Variants in SYT1 observed in about 807,000 individuals in gnomAD.
SYT1 encodes the protein synaptotagmin-1.
SYT1 carries 8 observed loss-of-function variants against 44.8 expected under a neutral mutation model. That is an observed-to-expected ratio of 0.18 (90% CI 0.10 to 0.32). The LOEUF (loss-of-function observed/expected upper bound fraction) is 0.32, where lower values mean the gene tolerates loss of function less well. SYT1 is among the 10% of genes least tolerant of loss of function. SYT1 has a pLI of 1.00. For synonymous variants in SYT1, 154 were observed against 188.8 expected, an observed-to-expected ratio of 0.82 and a Z score of 1.51; for missense variants, 286 against 509.3, an observed-to-expected ratio of 0.56 and a Z score of 4.22.
chr12:79,059,421 A>C (rs948175567), intron 3 of SYT1, among the ~76,000 whole-genome samples: 2 of 152,092 alleles, frequency 1.3e-5, no homozygotes, highest in African/African-American at 2.4e-5. Context: ...AATTCTTTTC[A>C]ATACCTCAAA....
Position 78,876,866 on chromosome 12 carries a change from A to C in SYT1, c.-217+11757A>C, listed in dbSNP as rs796568813. Among the ~76,000 whole-genome samples the C allele has an allele frequency of 4.0e-3, 51 of 12,890 alleles. 3 individuals carry two copies. In the East Asian group the frequency reaches 0.15, roughly 38 times the overall value. 8.5% of individuals were successfully genotyped at this position (12,890 alleles called of 152,430 possible). A position where few individuals can be genotyped will look rare whatever the true frequency, so the allele number is the denominator to read the frequency against. On this transcript the variant is annotated intron_variant, in intron 1 of 10. Transcript: ENST00000261205. ...AATATATATTATATATAATATATATAATATATTATATGTATTATATATAAT... is the reference window on the plus strand; with the variant it reads ...AATATATATTATATATAATATATATCATATATTATATGTATTATATATAAT...
chr12:78,876,600 C>A (rs1200097168), intron 1 of SYT1, among the ~76,000 whole-genome samples: 1 of 136,146 alleles, frequency 7.3e-6, no homozygotes, highest in Admixed American at 8.1e-5. Context: ...TACATATACA[C>A]ATGTAAATAT....
At chr12:78,876,559 A>G (rs936494027) in intron 1 of SYT1, among the ~76,000 whole-genome samples, 1 of 133,050 alleles carries the variant, frequency 7.5e-6, no homozygotes, top group African/African-American at 2.8e-5. Flanking sequence ...GAGTGTGTGT[A>G]TATATATACA....
chr12:78,970,209 T>C (rs10506799), intron 1 of SYT1, among the ~76,000 whole-genome samples: 7,232 of 152,312 alleles, frequency 0.047, 220 homozygotes, highest in Admixed American at 0.087. Context: ...GATGACCTCA[T>C]GTGGTATTAA....
chr12:79,257,304 G>A (rs1592904521), intron 4 of SYT1, among the ~76,000 whole-genome samples: 1 of 152,168 alleles, frequency 6.6e-6, no homozygotes, highest in Non-Finnish European at 1.5e-5. Flanking sequence ...ATGATTAGCA[G>A]TCATGTATTG....
chr12:78,987,892 T>C (rs987555289), intron 2 of SYT1, among the ~76,000 whole-genome samples: 3 of 152,028 alleles, frequency 2.0e-5, no homozygotes, highest in Non-Finnish European at 4.4e-5. Flanking sequence ...AAGAATACTA[T>C]AGACCAGTAT....
At chr12:79,160,680 G>A (rs1870893869) in intron 3 of SYT1, among the ~76,000 whole-genome samples, 1 of 152,200 alleles carries the variant, frequency 6.6e-6, no homozygotes, top group East Asian at 1.9e-4. Context: ...GACATCAAGT[G>A]AAAATGACCC....
chr12:79,344,172 A>C (rs1216324583), intron 8 of SYT1, among the ~76,000 whole-genome samples: 2 of 152,198 alleles, frequency 1.3e-5, no homozygotes, highest in African/African-American at 4.8e-5. Flanking sequence ...AATCCTTCTT[A>C]TACAGACATT....
chr12:78,969,215 C>T (rs1344673629), intron 1 of SYT1, among the ~76,000 whole-genome samples: 7 of 152,082 alleles, frequency 4.6e-5, no homozygotes, highest in African/African-American at 2.4e-5. Context: ...AGGTTATATT[C>T]AAATACTACA....
chr12:79,300,787 T>TA (rs1880100517), intron 8 of SYT1, among the ~76,000 whole-genome samples: 3 of 57,856 alleles, frequency 5.2e-5, no homozygotes, highest in Non-Finnish European at 6.9e-5. Flanking sequence ...CATGTATACT[T>TA]ATTATATATA....
chr12:79,040,706 T>C (rs1688889043), intron 2 of SYT1, among the ~76,000 whole-genome samples: 1 of 152,242 alleles, frequency 6.6e-6, no homozygotes, highest in Non-Finnish European at 1.5e-5. Flanking sequence ...CCCATGCCTA[T>C]GTACTGAATG....
chr12:79,074,501 T>C (rs1407965611), intron 3 of SYT1, among the ~76,000 whole-genome samples: 1 of 152,180 alleles, frequency 6.6e-6, no homozygotes, highest in Non-Finnish European at 1.5e-5. Flanking sequence ...TCTCATTAAG[T>C]CTTTTAAAAA....
intron 3 of SYT1, among the ~76,000 whole-genome samples, chr12:79,181,908 C>G (rs566854467): frequency 3.9e-5 from 6 of 152,108 alleles, no homozygotes; most frequent in Non-Finnish European, 7.4e-5. Context: ...CTAGACAACC[C>G]CACCCCTACC....
intron 3 of SYT1, among the ~76,000 whole-genome samples, chr12:79,207,099 C>T (rs1317255953): frequency 6.6e-6 from 1 of 152,206 alleles, no homozygotes; most frequent in African/African-American, 2.4e-5. Flanking sequence ...TCATGCCAAA[C>T]AGTGTCATTG....
At position 78,961,383 on chromosome 12, in the gene SYT1, A is replaced by G. The variant is rs148330055; in HGVS notation, c.-216-16416A>G. On this transcript the variant is annotated intron_variant, in intron 1 of 10. Coordinates refer to ENST00000261205, the MANE Select transcript of SYT1 (RefSeq NM_005639.3). ...CTCAGCCTCCTAAACTGCTGGGACT[A>G]CAGGTACCAGCCACTGCTCCCAGCA... is the stretch of plus-strand genomic sequence containing the variant. 4.0e-3 allele frequency among the ~76,000 whole-genome samples: 604 copies of G among 152,214 alleles called. 5 individuals are homozygous for G. The highest frequency in any genetic ancestry group is 0.013 in the African/African-American group (561 of 41,562).
intron 3 of SYT1, among the ~76,000 whole-genome samples, chr12:79,133,932 G>T (rs1347711565): frequency 6.6e-6 from 1 of 152,146 alleles, no homozygotes; most frequent in Non-Finnish European, 1.5e-5. Context: ...TAGAGATTTG[G>T]CAGTCATCTG....
chr12:79,243,577 C>T (rs1876641028), intron 4 of SYT1, among the ~76,000 whole-genome samples: 1 of 152,132 alleles, frequency 6.6e-6, no homozygotes, highest in Admixed American at 6.5e-5. Flanking sequence ...ATTCAAGCAT[C>T]GTAAAGCATT....
At chr12:79,304,210 T>G (rs1297054499) in intron 8 of SYT1, among the ~76,000 whole-genome samples, 2 of 152,190 alleles carry the variant, frequency 1.3e-5, no homozygotes, top group East Asian at 1.9e-4. Context: ...AAGAACACAA[T>G]AGGCGTGAAA....
At chr12:79,410,818 G>A (rs1178326555) in intron 9 of SYT1, among the ~76,000 whole-genome samples, 1 of 151,936 alleles carries the variant, frequency 6.6e-6, no homozygotes, top group Admixed American at 6.6e-5. Flanking sequence ...GCTTATTGGG[G>A]GCTGTATCAA....
Sources: allele counts gnomAD v4.1 joint callset (sites outside exome capture counted in the v4.1 genomes callset), GRCh38; gene constraint gnomAD v4.1.1; transcripts MANE v1.5; gene names NCBI Gene and HGNC (gene_info 2026-07-23, HGNC 2026-07-21).